PLXNC1: variants seen among roughly 807,000 people sequenced by gnomAD.
PLXNC1 encodes plexin-C1.
In PLXNC1, 75 loss-of-function variants were observed where a neutral mutation model predicts 178.2. That is an observed-to-expected ratio of 0.42 (90% CI 0.35 to 0.51). The LOEUF (loss-of-function observed/expected upper bound fraction) is 0.51. Among genes scored for constraint, PLXNC1 ranks in the 20% least tolerant of loss-of-function variants. The pLI is 0.02. For synonymous variants in PLXNC1, 790 were observed against 779.9 expected (o/e 1.01, Z -0.22); for missense variants, 1,503 against 1,984.4 (o/e 0.76, Z 4.61).
intron 1 of PLXNC1, chr12:94,168,125 G>A (rs937894186): frequency 6.6e-6 from 1 of 152,166 alleles, no homozygotes; most frequent in African/African-American, 2.4e-5. Context: ...GCGATTTTAG[G>A]AGTTGCTGTG....
At chr12:94,280,147 C>G in intron 22 of PLXNC1, 1 of 265,120 alleles carries the variant, frequency 3.8e-6, no homozygotes, top group South Asian at 3.9e-5. Flanking sequence ...ATGCTCCGTC[C>G]TCCCTCAGTG....
intron 4 of PLXNC1, among the ~76,000 whole-genome samples, chr12:94,199,969 A>G (rs1313634844): frequency 6.6e-6 from 1 of 151,966 alleles, no homozygotes; most frequent in Non-Finnish European, 1.5e-5. Context: ...TAATTTTTGT[A>G]TTTTTAGTAG....
chr12:94,165,752 A>T (rs969709035), intron 1 of PLXNC1, among the ~76,000 whole-genome samples: 1 of 152,062 alleles, frequency 6.6e-6, no homozygotes, highest in East Asian at 1.9e-4. Flanking sequence ...CTCCAGGAAC[A>T]TAGAATCTCT....
At chr12:94,261,173 A>ACAGAGGGC (rs1964980219) in intron 20 of PLXNC1, among the ~76,000 whole-genome samples, 1 of 152,178 alleles carries the variant, frequency 6.6e-6, no homozygotes, top group Admixed American at 6.5e-5. Context: ...CAGAGAACAA[A>ACAGAGGGC]CTGTTTCAGG....
chr12:94,173,709 T>A (rs756758282), intron 2 of PLXNC1, among the ~76,000 whole-genome samples: 1 of 152,058 alleles, frequency 6.6e-6, no homozygotes, highest in Non-Finnish European at 1.5e-5. Context: ...CTTAGTAGAG[T>A]TTGAGAGCTG....
At chr12:94,192,355 T>C (rs956527505) in intron 4 of PLXNC1, among the ~76,000 whole-genome samples, 2 of 151,966 alleles carry the variant, frequency 1.3e-5, no homozygotes, top group Non-Finnish European at 2.9e-5. Flanking sequence ...CACAACAATG[T>C]GCTAAGTCCT....
At position 94,248,064 on chromosome 12, in the gene PLXNC1, G is replaced by C. The variant is rs1435220050; in HGVS notation, c.2550G>C (p.Arg850=). 4 of 1,614,004 alleles carry C rather than the reference G, an allele frequency of 2.5e-6. No individual in the cohort carries two copies. In the Admixed American group the frequency reaches 6.7e-5, roughly 27 times the overall value. Reference sequence around the variant, plus strand: ...AGGACCCCAGATTCACGGGGTATCGGGTGGAATCCGAGGTGGACACAGAAC... The same window carrying C: ...AGGACCCCAGATTCACGGGGTATCGCGTGGAATCCGAGGTGGACACAGAAC... ...YREDPRFTGY[R]VESEVDTELE... is the part of the protein sequence containing the mutation. The change falls in exon 13 of 31, where the codon CGG becomes CGC. Residue 850 remains arginine, a synonymous_variant. Transcript: ENST00000258526.
chr12:94,287,901 C>G (rs78225856), intron 23 of PLXNC1, among the ~76,000 whole-genome samples: 1 of 152,174 alleles, frequency 6.6e-6, no homozygotes, highest in Admixed American at 6.5e-5. Context: ...TCTTCTTTAC[C>G]GCTCCATGAG....
intron 9 of PLXNC1, among the ~76,000 whole-genome samples, chr12:94,229,125 G>A (rs1316465104): frequency 6.6e-6 from 1 of 152,146 alleles, no homozygotes; most frequent in Non-Finnish European, 1.5e-5. Flanking sequence ...GTATCTCATT[G>A]TGGTTTTGAT....
chr12:94,179,322 A>G (rs1365897770), intron 2 of PLXNC1, among the ~76,000 whole-genome samples: 1 of 152,218 alleles, frequency 6.6e-6, no homozygotes, highest in Non-Finnish European at 1.5e-5. Flanking sequence ...AGAGATATGA[A>G]TACAGATAAT....
intron 6 of PLXNC1, among the ~76,000 whole-genome samples, chr12:94,221,945 TA>T (rs546443916): frequency 2.1e-4 from 32 of 152,252 alleles, no homozygotes; most frequent in African/African-American, 6.3e-4. Flanking sequence ...AGGGGAGACA[TA>T]AATATTCTGA....
At chr12:94,294,873 C>T (rs1270524953) in intron 24 of PLXNC1, among the ~76,000 whole-genome samples, 3 of 152,134 alleles carry the variant, frequency 2.0e-5, no homozygotes, top group African/African-American at 7.2e-5. Context: ...CCCTGGCAAA[C>T]TGAGAGGGAA....
At chr12:94,294,561 A>T in intron 24 of PLXNC1, 21 bp downstream of exon 24, 1 of 1,076,894 alleles carries the variant, frequency 9.3e-7, no homozygotes. Context: ...TAATATTGTT[A>T]ACCTTTTGTT....
chr12:94,149,201 C>A lies in PLXNC1; in HGVS notation c.230C>A (p.Ser77Ter). The change falls in exon 1 of 31, where the codon TCG (serine) becomes TAG (stop). Residue 77 changes from serine (S) to a stop codon, truncating the protein, a stop_gained. Transcript: ENST00000258526. LOFTEE classifies it high-confidence loss of function. ...GACTACAGCCTGGAGCACAGCCTCT[C>A]GCGCCTGTACCGGGACCAAGCGGGC... is the stretch of plus-strand genomic sequence containing the variant. Reference protein sequence around the residue: ...QLDYSLEHSLSRLYRDQAGNC... With the variant: ...QLDYSLEHSL The A allele has an allele frequency of 1.3e-6, 2 of 1,586,786 alleles. No homozygotes were observed. The highest frequency in any genetic ancestry group is 1.7e-6 in the Non-Finnish European group (2 of 1,170,994).
intron 4 of PLXNC1, among the ~76,000 whole-genome samples, chr12:94,199,394 C>T (rs1477384348): frequency 1.3e-5 from 2 of 152,098 alleles, no homozygotes; most frequent in African/African-American, 2.4e-5. Context: ...GTGTGAGGAC[C>T]CCATTGTGCC....
At chr12:94,264,849 TGTGCACGC>T (rs1156899290) in intron 20 of PLXNC1, among the ~76,000 whole-genome samples, 1 of 152,216 alleles carries the variant, frequency 6.6e-6, no homozygotes, top group African/African-American at 2.4e-5. Context: ...TCGCTGTGAA[TGTGCACGC>T]GTGCGCGTGT....
rs946865513 is a variant in PLXNC1, at chr12:94,291,331, G to A, written c.3880-3155G>A. Among the ~76,000 whole-genome samples the A allele has an allele frequency of 2.6e-5, 4 of 152,182 alleles. 1 individual carries two copies. Among genetic ancestry groups the A allele is most frequent in the Admixed American group, 1.3e-4 (2 of 15,280 alleles). Reference sequence around the variant, plus strand: ...GCTCACTGCACCCTTGACCTCCCACGCTCAAGCCATCCTCCTGCCTCAGCT... The same window carrying A: ...GCTCACTGCACCCTTGACCTCCCACACTCAAGCCATCCTCCTGCCTCAGCT... On this transcript the variant is annotated intron_variant, in intron 23 of 30. Transcript: ENST00000258526.
chr12:94,225,793 A>T (rs910413718), intron 7 of PLXNC1, among the ~76,000 whole-genome samples: 1 of 152,202 alleles, frequency 6.6e-6, no homozygotes, highest in Non-Finnish European at 1.5e-5. Context: ...CGAGCAAATC[A>T]CAAACCCGTG....
At chr12:94,250,517 G>A (rs1548116) in intron 14 of PLXNC1, among the ~76,000 whole-genome samples, 49,508 of 151,990 alleles carry the variant, frequency 0.33, 8,662 homozygotes, top group African/African-American at 0.47. Flanking sequence ...ACTGTGCTCA[G>A]ATGCCTCCAC....
Sources: gnomAD v4.1 joint callset for allele counts (sites outside exome capture counted in the v4.1 genomes callset) on GRCh38, gnomAD v4.1.1 for gene constraint, MANE v1.5 for transcripts, NCBI Gene and HGNC (gene_info 2026-07-23, HGNC 2026-07-21) for gene names.